SOX6: variants seen among roughly 807,000 people sequenced by gnomAD.
SOX6 encodes SRY-box transcription factor 6.
Under a neutral mutation model 97.8 loss-of-function variants are expected in SOX6, and 11 were observed. The observed-to-expected ratio is 0.11, with a 90% CI of 0.07 to 0.19. The LOEUF is 0.19. SOX6 is among the 10% of genes least tolerant of loss of function. SOX6 has a pLI of 1.00. For missense variants in SOX6, 810 were observed against 1,039.5 expected (o/e 0.78, Z 3.04); for synonymous variants, 360 against 371.4 (o/e 0.97, Z 0.35).
chr11:16,722,740 C>G (rs550743889), intron 2 of SOX6, among the ~76,000 whole-genome samples: 5 of 152,212 alleles, frequency 3.3e-5, no homozygotes, highest in Non-Finnish European at 7.4e-5. Flanking sequence ...CTCAATGTCA[C>G]TATCATTAGA....
At chr11:16,112,093 T>A (rs989851141) in intron 6 of SOX6, among the ~76,000 whole-genome samples, 170 bp from the exon 7 acceptor site, 6 of 152,224 alleles carry the variant, frequency 3.9e-5, no homozygotes, top group Middle Eastern at 3.2e-3. Context: ...ATCCCTTTTC[T>A]GAGATGCTAA....
At position 16,050,348 on chromosome 11, in the gene SOX6, T is replaced by C. The variant is rs557771838; in HGVS notation, c.1252-410A>G. Among the ~76,000 whole-genome samples, 25 of 152,314 alleles carry C rather than the reference T, an allele frequency of 1.6e-4. 1 individual carries two copies. In the Middle Eastern group the frequency reaches 0.014, roughly 83 times the overall value. ...CTATAAATAGTCTCTGCAGCTAATT[T>C]CTTAATATATATTTTAAATCAAACA... On this transcript the variant is annotated intron_variant, in intron 10 of 15. Transcript: ENST00000683767.
intron 3 of SOX6, among the ~76,000 whole-genome samples, chr11:16,669,334 A>G (rs1354403090): frequency 6.6e-6 from 1 of 152,266 alleles, no homozygotes; most frequent in Non-Finnish European, 1.5e-5. Flanking sequence ...AAAACTTTTC[A>G]AACAAGGCAG....
chr11:16,672,793 C>A (rs115370741), intron 3 of SOX6, among the ~76,000 whole-genome samples: 1,689 of 152,142 alleles, frequency 0.011, 24 homozygotes, highest in African/African-American at 0.039. Context: ...ATGTAATGAC[C>A]CTCACAGGCT....
At chr11:16,215,326 A>G (rs1299009219) in intron 4 of SOX6, among the ~76,000 whole-genome samples, 2 of 152,208 alleles carry the variant, frequency 1.3e-5, no homozygotes, top group Non-Finnish European at 2.9e-5. Context: ...AGGAGTCATT[A>G]TAAGAGAGAT....
intron 6 of SOX6, among the ~76,000 whole-genome samples, chr11:16,131,450 G>A (rs1437728439): frequency 6.6e-6 from 1 of 152,078 alleles, no homozygotes; most frequent in East Asian, 1.9e-4. Flanking sequence ...GATTAATAAT[G>A]CCAAGTGTTG....
intron 1 of SOX6, among the ~76,000 whole-genome samples, chr11:16,354,987 A>C (rs1442313311): frequency 3.3e-5 from 5 of 152,050 alleles, no homozygotes; most frequent in Non-Finnish European, 7.4e-5. Flanking sequence ...GATTGAAAGC[A>C]GCTTACCTTA....
chr11:16,710,420 C>T (rs762421924), intron 3 of SOX6, among the ~76,000 whole-genome samples: 39 of 152,144 alleles, frequency 2.6e-4, no homozygotes, highest in African/African-American at 4.8e-4. Flanking sequence ...AATAAGTGGA[C>T]GAGCCAGAAC....
At chr11:16,630,086 A>G (rs1848684111) in intron 3 of SOX6, among the ~76,000 whole-genome samples, 1 of 151,930 alleles carries the variant, frequency 6.6e-6, no homozygotes, top group Non-Finnish European at 1.5e-5. Context: ...TCTCAATTTC[A>G]TTCAGTTTCA....
Position 16,234,604 on chromosome 11 carries a change from A to T in SOX6, c.513T>A (p.Ser171Arg). ...TACCTTTAATTTCTCCAAGAAGTTC[A>T]CTGGTATTTAGTCTTTCCATTTTTT... is the stretch of plus-strand genomic sequence containing the variant. ...WKEKMERLNT[S>R]ELLGEIKGTP... The change falls in exon 4 of 16, where the codon AGT becomes AGA. Residue 171 changes from serine (S) to arginine (R), a missense_variant. Around this residue, in one of 9 missense-constraint regions of SOX6, gnomAD observed 110 missense variants for 119.0 expected, o/e 0.92. Transcript: ENST00000683767. 6.3e-7 allele frequency: 1 copy of T among 1,593,918 alleles called. No homozygotes were observed. The highest frequency in any genetic ancestry group is 8.6e-7 in the Non-Finnish European group (1 of 1,164,660).
At chr11:16,353,505 A>T (rs372134912) in intron 1 of SOX6, among the ~76,000 whole-genome samples, 3 of 151,920 alleles carry the variant, frequency 2.0e-5, no homozygotes, top group African/African-American at 7.2e-5. Flanking sequence ...TTTTATACAC[A>T]CCAAACAGTC....
rs116050211 is a variant in SOX6, at chr11:16,471,437, C to T, written c.-5+4878G>A. ...TATGGATGTGCAAAACAATATCCCACCTTCCTTATCTCACAGACAGACTTG... is the reference window on the plus strand; with the variant it reads ...TATGGATGTGCAAAACAATATCCCATCTTCCTTATCTCACAGACAGACTTG... On this transcript the variant is annotated intron_variant, in intron 1 of 15. Transcript: ENST00000396356. Among the ~76,000 whole-genome samples, 1,138 of 143,708 alleles carry T rather than the reference C, an allele frequency of 7.9e-3. 15 individuals carry two copies. The highest frequency in any genetic ancestry group is 0.026 in the African/African-American group (1,023 of 39,534). 94.3% of individuals were successfully genotyped at this position (143,708 alleles called of 152,430 possible). A position where few individuals can be genotyped will look rare whatever the true frequency, so the allele number is the denominator to read the frequency against.
intron 3 of SOX6, among the ~76,000 whole-genome samples, chr11:16,282,295 G>A (rs1854588885): frequency 6.6e-6 from 1 of 151,066 alleles, no homozygotes; most frequent in Non-Finnish European, 1.5e-5. Context: ...TTTGATGAAA[G>A]GATAATGAAA....
intron 12 of SOX6, among the ~76,000 whole-genome samples, chr11:16,029,605 T>C (rs1590142604): frequency 6.7e-6 from 1 of 148,644 alleles, no homozygotes; most frequent in South Asian, 2.1e-4. Flanking sequence ...CACTGAACTC[T>C]AGCCTGGGCT....
At chr11:16,103,919 G>A (rs1183442198) in intron 7 of SOX6, among the ~76,000 whole-genome samples, 1 of 151,902 alleles carries the variant, frequency 6.6e-6, no homozygotes, top group Non-Finnish European at 1.5e-5. Flanking sequence ...ATTGGGTACA[G>A]TGTACACTGC....
chr11:16,415,541 A>G (rs529966515), intron 1 of SOX6, among the ~76,000 whole-genome samples: 1 of 152,314 alleles, frequency 6.6e-6, no homozygotes, highest in African/African-American at 2.4e-5. Flanking sequence ...ATTTTCAAGT[A>G]GCTAGAAGAC....
chr11:16,638,023 A>C, intron 3 of SOX6, among the ~76,000 whole-genome samples: 3 of 147,720 alleles, frequency 2.0e-5, no homozygotes, highest in Non-Finnish European at 3.0e-5. Context: ...TTAAATCGTC[A>C]TTTACATTAG....
At chr11:16,500,766 CTCA>C (rs777798449) in intron 4 of SOX6, among the ~76,000 whole-genome samples, 8 of 152,016 alleles carry the variant, frequency 5.3e-5, no homozygotes, top group Non-Finnish European at 7.4e-5. Context: ...TGTGAAGGAC[CTCA>C]TCAAGGAGAA....
At chr11:16,277,891 G>T (rs1421380328) in intron 3 of SOX6, among the ~76,000 whole-genome samples, 2 of 152,128 alleles carry the variant, frequency 1.3e-5, no homozygotes, top group Non-Finnish European at 2.9e-5. Flanking sequence ...TGTGGCCTTG[G>T]TTAGGCCAAT....
Sources: allele counts gnomAD v4.1 joint callset (sites outside exome capture counted in the v4.1 genomes callset), GRCh38; gene constraint gnomAD v4.1.1; regional missense constraint gnomAD v4.1.1; transcripts MANE v1.5; gene names NCBI Gene and HGNC (gene_info 2026-07-23, HGNC 2026-07-21).